CLYBL: variants seen among roughly 807,000 people sequenced by gnomAD.
CLYBL encodes the protein citramalyl-CoA lyase, mitochondrial.
Under a neutral mutation model 38.9 loss-of-function variants are expected in CLYBL, and 31 were observed. That is an observed-to-expected ratio of 0.80 (90% CI 0.60 to 1.08). CLYBL has a LOEUF of 1.08. CLYBL is among the 50% of genes least tolerant of loss of function. The probability of loss-of-function intolerance (pLI) is 0.00; values close to 1 mark genes in which losing one functional copy is unlikely to be tolerated. For missense variants in CLYBL, 434 were observed against 411.6 expected (o/e 1.05, Z -0.47); for synonymous variants, 171 against 158.6 (o/e 1.08, Z -0.59).
chr13:99,703,259 C>T (rs1485311160), intron 1 of CLYBL, among the ~76,000 whole-genome samples: 1 of 152,180 alleles, frequency 6.6e-6, no homozygotes, highest in Non-Finnish European at 1.5e-5. Flanking sequence ...CTCCATTGTC[C>T]CTTTTTAAAT....
intron 1 of CLYBL, chr13:99,642,970 C>G (rs999768178): frequency 6.5e-6 from 1 of 153,366 alleles, no homozygotes; most frequent in African/African-American, 2.4e-5. Flanking sequence ...GTTGCGCAGG[C>G]TGCTCTCATT....
At chr13:99,749,138 CCACTG>C (rs1399300967) in intron 1 of CLYBL, among the ~76,000 whole-genome samples, 1 of 151,754 alleles carries the variant, frequency 6.6e-6, no homozygotes, top group East Asian at 1.9e-4. Context: ...CAAGATCACA[CCACTG>C]CACTGCAGCC....
intron 7 of CLYBL, chr13:99,877,564 TG>T (rs1215974136): frequency 2.8e-6 from 1 of 362,878 alleles, no homozygotes; most frequent in Non-Finnish European, 5.2e-6. Flanking sequence ...TAAAGAATTT[TG>T]TAATTCTTTT....
intron 2 of CLYBL, among the ~76,000 whole-genome samples, chr13:99,835,623 C>A (rs2050917647): frequency 6.6e-6 from 1 of 152,188 alleles, no homozygotes; most frequent in Non-Finnish European, 1.5e-5. Flanking sequence ...TCTGCCACAC[C>A]CCTGTGCAAC....
intron 1 of CLYBL, among the ~76,000 whole-genome samples, chr13:99,737,423 C>T (rs1277566920): frequency 6.6e-6 from 1 of 152,168 alleles, no homozygotes; most frequent in Non-Finnish European, 1.5e-5. Flanking sequence ...ATATCCAACT[C>T]CTAATATGAA....
chr13:99,629,754 T>C (rs769046010), intron 1 of CLYBL, among the ~76,000 whole-genome samples: 2 of 152,174 alleles, frequency 1.3e-5, no homozygotes, highest in Non-Finnish European at 2.9e-5. Flanking sequence ...CAGGAGATCA[T>C]GTTGTCTGGG....
At position 99,858,854 on chromosome 13, in the gene CLYBL, C is replaced by G; in HGVS notation, c.250-7C>G. Reference sequence around the variant, plus strand: ...ATAAACAATAAACTTTTTATTGACACTTACAGAATGAAGCTCGACTGAGAA... The same window carrying G: ...ATAAACAATAAACTTTTTATTGACAGTTACAGAATGAAGCTCGACTGAGAA... On this transcript the variant is annotated splice_region_variant and splice_polypyrimidine_tract_variant and intron_variant, in intron 2 of 8. Transcript: ENST00000339105. 2.5e-6 allele frequency: 4 copies of G among 1,587,648 alleles called. No homozygotes were observed. The highest frequency in any genetic ancestry group is 3.4e-6 in the Non-Finnish European group (4 of 1,168,498).
intron 2 of CLYBL, among the ~76,000 whole-genome samples, chr13:99,854,216 A>C (rs1050794761): frequency 1.3e-5 from 2 of 152,094 alleles, no homozygotes; most frequent in Non-Finnish European, 2.9e-5. Flanking sequence ...TTTCCTCTGA[A>C]AACAACTATA....
At chr13:99,711,162 G>A (rs990821484) in intron 1 of CLYBL, among the ~76,000 whole-genome samples, 2 of 152,022 alleles carry the variant, frequency 1.3e-5, no homozygotes, top group Non-Finnish European at 2.9e-5. Flanking sequence ...ACAGGTGTGA[G>A]CCACTGCTCA....
intron 7 of CLYBL, among the ~76,000 whole-genome samples, chr13:99,882,383 G>A (rs1429375810): frequency 5.3e-5 from 8 of 152,200 alleles, no homozygotes; most frequent in East Asian, 1.9e-4. Flanking sequence ...GGCCAGGCGC[G>A]GTGGCTCACA....
chr13:99,721,376 TTTAC>T (rs1294967105), intron 1 of CLYBL, among the ~76,000 whole-genome samples: 1 of 152,072 alleles, frequency 6.6e-6, no homozygotes, highest in Non-Finnish European at 1.5e-5. Flanking sequence ...TGTAATCTAA[TTTAC>T]TTACTATTTC....
At chr13:99,760,711 T>A (rs2049148614) in intron 1 of CLYBL, among the ~76,000 whole-genome samples, 1 of 152,246 alleles carries the variant, frequency 6.6e-6, no homozygotes, top group Admixed American at 6.5e-5. Flanking sequence ...TGTATCTCTC[T>A]TGCTATTTTG....
intron 1 of CLYBL, among the ~76,000 whole-genome samples, chr13:99,611,582 G>A (rs1402597102): frequency 6.6e-6 from 1 of 152,124 alleles, no homozygotes; most frequent in Non-Finnish European, 1.5e-5. Flanking sequence ...AGGAATAATC[G>A]CCTATAGTTT....
At chr13:99,617,289 C>CTT (rs71699921) in intron 1 of CLYBL, among the ~76,000 whole-genome samples, 6 of 150,090 alleles carry the variant, frequency 4.0e-5, no homozygotes, top group Admixed American at 2.7e-4. Flanking sequence ...AAAATTGGCA[C>CTT]TTTTTTTTTT....
At chr13:99,628,952 A>G (rs1463609852) in intron 1 of CLYBL, among the ~76,000 whole-genome samples, 27 of 152,236 alleles carry the variant, frequency 1.8e-4, no homozygotes, top group Non-Finnish European at 1.5e-5. Context: ...GTTGAAAAAA[A>G]ATTGACTATG....
chr13:99,786,625 G>T (rs893288533), intron 2 of CLYBL, among the ~76,000 whole-genome samples: 1 of 152,150 alleles, frequency 6.6e-6, no homozygotes, highest in African/African-American at 2.4e-5. Flanking sequence ...ATTTGGGTTG[G>T]TTCCAAGTCT....
intron 7 of CLYBL, among the ~76,000 whole-genome samples, chr13:99,880,887 G>A (rs1174758145): frequency 6.6e-6 from 1 of 152,204 alleles, no homozygotes; most frequent in African/African-American, 2.4e-5. Context: ...TCAGAGCTTG[G>A]AAAATGAATC....
intron 2 of CLYBL, among the ~76,000 whole-genome samples, chr13:99,773,721 A>G (rs1229060960): frequency 6.6e-6 from 1 of 152,198 alleles, no homozygotes; most frequent in African/African-American, 2.4e-5. Context: ...AAATGCAACT[A>G]GGAAGTTCTT....
chr13:99,900,031 A>G (rs926098320), downstream of CLYBL, among the ~76,000 whole-genome samples: 7 of 151,974 alleles, frequency 4.6e-5, no homozygotes, highest in Non-Finnish European at 8.8e-5. Flanking sequence ...GGTTCAAGCA[A>G]TTCTCCTGCC....
Sources: gnomAD v4.1 joint callset for allele counts (sites outside exome capture counted in the v4.1 genomes callset) on GRCh38, gnomAD v4.1.1 for gene constraint, MANE v1.5 for transcripts, NCBI Gene and HGNC (gene_info 2026-07-23, HGNC 2026-07-21) for gene names.